The following PEDS1 variants were observed in gnomAD, a reference collection of about 807,000 sequenced individuals.
PEDS1 encodes plasmanylethanolamine desaturase 1.
In PEDS1, 14 loss-of-function variants were observed where a neutral mutation model predicts 35.2. That is an observed-to-expected ratio of 0.40 (90% CI 0.26 to 0.62). The LOEUF (loss-of-function observed/expected upper bound fraction) is 0.62, where lower values mean the gene tolerates loss of function less well. PEDS1 is among the 20% of genes least tolerant of loss of function. The pLI, the probability that PEDS1 is intolerant of heterozygous loss-of-function variation, is 0.44. For synonymous variants in PEDS1, 152 were observed against 152.0 expected (o/e 1.00, Z 0.00); for missense variants, 260 against 367.8 (o/e 0.71, Z 2.40).
At position 50,129,553 on chromosome 20, in the gene PEDS1, G is replaced by T. The variant is rs750887154; in HGVS notation, c.471C>A (p.His157Gln). ...LLNMAYKFRT[H>Q]SPEALEQLYP... is the part of the protein sequence containing the mutation. The stretch of plus-strand genomic sequence containing the variant: ...ACTAGCTGGGTGTCTCACCAGGGCT[G>T]TGGGTGCGGAACTTGTAGGCCATGT... The change falls in exon 4 of 6, where the codon CAC (histidine) becomes CAA (glutamine). Residue 157 changes from histidine (H) to glutamine (Q), a missense_variant. By Grantham distance (24) the His-to-Gln change is conservative. Coordinates refer to ENST00000371652, the MANE Select transcript of PEDS1 (RefSeq NM_199129.4). This position sits in a 1 kb window ranked among gnomAD's most constrained non-coding sequence, Gnocchi z 4.2. The T allele has an allele frequency of 6.2e-7, 1 of 1,614,160 alleles. No homozygotes were observed. Among genetic ancestry groups the T allele is most frequent in the Non-Finnish European group, 8.5e-7 (1 of 1,180,010 alleles).
At chr20:50,133,864 C>G (rs2081204976) in intron 2 of PEDS1, among the ~76,000 whole-genome samples, 1 of 152,232 alleles carries the variant, frequency 6.6e-6, no homozygotes, top group Non-Finnish European at 1.5e-5. Flanking sequence ...ACCACTGCCT[C>G]CCAGTCAAGT....
At chr20:50,143,125 G>C (rs1025748044) in intron 2 of PEDS1, among the ~76,000 whole-genome samples, 1 of 152,152 alleles carries the variant, frequency 6.6e-6, no homozygotes, top group African/African-American at 2.4e-5. Flanking sequence ...GGTGAAGGCA[G>C]GGAGACCAGG....
At position 50,128,318 on chromosome 20, in the gene PEDS1, C is replaced by T; in HGVS notation, c.479-131G>A. 1 of 1,152,988 alleles carries T rather than the reference C, an allele frequency of 8.7e-7. No homozygotes were observed. The highest frequency in any genetic ancestry group is 2.2e-5 in the Admixed American group (1 of 44,612). The allele number at this position is 1,152,988 out of a possible 1,614,324, so 71.4% of individuals were successfully genotyped here. A position where few individuals can be genotyped will look rare whatever the true frequency, so the allele number is the denominator to read the frequency against. On this transcript the variant is annotated intron_variant, in intron 4 of 5. Coordinates refer to ENST00000371652, the MANE Select transcript of PEDS1 (RefSeq NM_199129.4). This position sits in a 1 kb window ranked among gnomAD's most constrained non-coding sequence, Gnocchi z 5.2. The stretch of plus-strand genomic sequence containing the variant: ...AGCACCCAGGATTCTCTTCCACCCC[C>T]TGCAGGGCCGCAGGCAAGCTCAGGT...
Position 50,128,923 on chromosome 20 carries a change from G to A in PEDS1, c.478+623C>T, listed in dbSNP as rs2081142767. On this transcript the variant is annotated intron_variant, in intron 4 of 5. Coordinates refer to ENST00000371652, the MANE Select transcript of PEDS1 (RefSeq NM_199129.4). This position sits in a 1 kb window ranked among gnomAD's most constrained non-coding sequence, Gnocchi z 5.2. ...GAAGCAGGGGCTGGGTGCACCCCCAGGGAAGGGGATGGGCAGGGTGCCATA... is the reference window on the plus strand; with the variant it reads ...GAAGCAGGGGCTGGGTGCACCCCCAAGGAAGGGGATGGGCAGGGTGCCATA... Among the ~76,000 whole-genome samples, 1 of 152,234 alleles carries A rather than the reference G, an allele frequency of 6.6e-6. No individual in the cohort carries two copies. The highest frequency in any genetic ancestry group is 1.5e-5 in the Non-Finnish European group (1 of 68,032).
chr20:50,124,854 G>T lies in PEDS1; in HGVS notation c.*204C>A, dbSNP rs1460327204. 3.3e-6 allele frequency: 2 copies of T among 602,402 alleles called. No homozygotes were observed. The highest frequency in any genetic ancestry group is 5.5e-6 in the Non-Finnish European group (2 of 363,374). The allele number at this position is 602,402 out of a possible 1,614,324, so 37.3% of individuals were successfully genotyped here. A position where few individuals can be genotyped will look rare whatever the true frequency, so the allele number is the denominator to read the frequency against. ...TAGAGCAACTCAGGTGGCTGAGGAG[G>T]GGCCGAGGAAAAAAAAAAAAAAGAA... On this transcript the variant is annotated 3_prime_UTR_variant, in exon 6 of 6. Transcript: ENST00000371652.
At chr20:50,131,812 T>C (rs1217596550) in intron 2 of PEDS1, among the ~76,000 whole-genome samples, 1 of 152,068 alleles carries the variant, frequency 6.6e-6, no homozygotes, top group Non-Finnish European at 1.5e-5. Flanking sequence ...CACTTGAGGG[T>C]TCAGTAGATT....
At chr20:50,134,340 G>C (rs149818608) in intron 2 of PEDS1, among the ~76,000 whole-genome samples, 1 of 152,326 alleles carries the variant, frequency 6.6e-6, no homozygotes, top group Non-Finnish European at 1.5e-5. Context: ...GAGGTCAGGA[G>C]TTTAAGACTA....
intron 1 of PEDS1, among the ~76,000 whole-genome samples, chr20:50,147,438 C>T (rs1601233214): frequency 6.6e-6 from 1 of 152,182 alleles, no homozygotes; most frequent in Non-Finnish European, 1.5e-5. Context: ...TGGCTGGGCC[C>T]CTGCAGTCAT....
At chr20:50,151,655 C>G (rs6012851) in intron 1 of PEDS1, among the ~76,000 whole-genome samples, 2 of 152,146 alleles carry the variant, frequency 1.3e-5, no homozygotes, top group Admixed American at 6.6e-5. Context: ...GTCAAGAGAT[C>G]GAGACCACCC....
At chr20:50,140,098 ATC>A (rs1230538998) in intron 2 of PEDS1, among the ~76,000 whole-genome samples, 2 of 152,016 alleles carry the variant, frequency 1.3e-5, no homozygotes, top group African/African-American at 4.8e-5. Context: ...CATCCCTTCC[ATC>A]TCTCAAGAGA....
chr20:50,128,261 C>T lies in PEDS1; in HGVS notation c.479-74G>A. 2 of 1,567,000 alleles carry T rather than the reference C, an allele frequency of 1.3e-6. No individual in the cohort carries two copies. The highest frequency in any genetic ancestry group is 1.2e-5 in the South Asian group (1 of 86,662). The stretch of plus-strand genomic sequence containing the variant: ...GGAACCCACCCCAAATGGCCCTCAC[C>T]ACCTGCTCCTGGGCGGCTCCTGAGC... On this transcript the variant is annotated intron_variant, in intron 4 of 5. Transcript: ENST00000371652. The surrounding 1 kb of genome is among the most constrained non-coding windows in gnomAD (Gnocchi z 5.2).
In PEDS1 at chr20:50,153,177, G is replaced by A. The variant is rs572259303; in HGVS notation, c.121+340C>T. 7.9e-5 allele frequency among the ~76,000 whole-genome samples: 12 copies of A among 151,538 alleles called. No individual in the cohort carries two copies. The East Asian group carries it at 1.9e-3, about 25-fold the overall frequency. The stretch of plus-strand genomic sequence containing the variant: ...GGACCGGGTCCTGGGGGGATGAGGG[G>A]GTGGGGTTCTAAGTCTAGGAGCACT... On this transcript the variant is annotated intron_variant, in intron 1 of 5. Transcript: ENST00000371652.
chr20:50,144,843 TC>T (rs1266443200), intron 1 of PEDS1, among the ~76,000 whole-genome samples: 1 of 152,176 alleles, frequency 6.6e-6, no homozygotes, highest in Admixed American at 6.5e-5. Context: ...GACCGGCTTT[TC>T]CCTTATTTCC....
Position 50,136,811 on chromosome 20 carries a change from A to G in PEDS1, c.242-5864T>C, listed in dbSNP as rs1288623883. Among the ~76,000 whole-genome samples the G allele has an allele frequency of 4.8e-5, 7 of 145,792 alleles. No homozygotes were observed. In the East Asian group the frequency reaches 1.5e-3, roughly 30 times the overall value. ...CAGCACTTTGGGAGGCCACGGTGGGAGGATTGCTTGAGTCCTGGAGTTCAG... is the reference window on the plus strand; with the variant it reads ...CAGCACTTTGGGAGGCCACGGTGGGGGGATTGCTTGAGTCCTGGAGTTCAG... On this transcript the variant is annotated intron_variant, in intron 2 of 5. Coordinates refer to ENST00000371652, the MANE Select transcript of PEDS1 (RefSeq NM_199129.4).
In PEDS1 at chr20:50,153,538, G is replaced by A; in HGVS notation, c.100C>T (p.Leu34=). 7.0e-7 allele frequency: 1 copy of A among 1,427,944 alleles called. No individual in the cohort carries two copies. Among genetic ancestry groups the A allele is most frequent in the South Asian group, 1.4e-5 (1 of 72,710 alleles). 88.5% of individuals were successfully genotyped at this position (1,427,944 alleles called of 1,614,324 possible). Residue 34 remains leucine (L), a synonymous_variant, in exon 1 of 6, where the codon CTG becomes TTG. Transcript: ENST00000371652. The part of the protein sequence containing the change: ...WGAQHAGARE[L]AALYSPGKRL... ...TTACCTGGCGAGTAGAGCGCAGCCA[G>A]CTCGCGGGCCCCGGCGTGCTGCGCG...
intron 2 of PEDS1, among the ~76,000 whole-genome samples, chr20:50,132,060 C>G (rs186456414): frequency 6.6e-6 from 1 of 151,990 alleles, no homozygotes; most frequent in Admixed American, 6.6e-5. Flanking sequence ...AAAAATTAGC[C>G]GGGTGTGGTG....
chr20:50,151,086 G>A lies in PEDS1; in HGVS notation c.121+2431C>T, dbSNP rs2081398167. 3 of 407,806 alleles carry A rather than the reference G, an allele frequency of 7.4e-6. No homozygotes were observed. In the Admixed American group the frequency reaches 1.1e-4, roughly 14 times the overall value. 25.3% of individuals were successfully genotyped at this position (407,806 alleles called of 1,614,324 possible). Reference sequence around the variant, plus strand: ...AGGTGTTCAATATGCACTGAGCCTGGTCTCTCACTTTTTCAGGCCCAGAGA... The same window carrying A: ...AGGTGTTCAATATGCACTGAGCCTGATCTCTCACTTTTTCAGGCCCAGAGA... On this transcript the variant is annotated intron_variant, in intron 1 of 5. Transcript: ENST00000371652.
rs2081155880 is a variant in PEDS1 at position 50,129,852 on chromosome 20, C to G, written c.334-162G>C. Reference sequence around the variant, plus strand: ...TTCCCACCTGGCCCACTGCCAGACACAGACCCCATCCAGCCTTTGGGGAGA... The same window carrying G: ...TTCCCACCTGGCCCACTGCCAGACAGAGACCCCATCCAGCCTTTGGGGAGA... On this transcript the variant is annotated intron_variant, in intron 3 of 5. Coordinates refer to ENST00000371652, the MANE Select transcript of PEDS1 (RefSeq NM_199129.4). The surrounding 1 kb of genome is among the most constrained non-coding windows in gnomAD (Gnocchi z 4.2). Among the ~76,000 whole-genome samples the G allele has an allele frequency of 6.6e-6, 1 of 152,224 alleles. No homozygotes were observed. Among genetic ancestry groups the G allele is most frequent in the African/African-American group, 2.4e-5 (1 of 41,460 alleles).
At position 50,143,519 on chromosome 20, in the gene PEDS1, A is replaced by C; in HGVS notation, c.224T>G (p.Leu75Arg). 1.2e-6 allele frequency: 2 copies of C among 1,610,148 alleles called. No individual in the cohort carries two copies. The highest frequency in any genetic ancestry group is 1.7e-6 in the Non-Finnish European group (2 of 1,178,740). The change falls in exon 2 of 6, where the codon CTC (leucine) becomes CGC (arginine). Residue 75 changes from leucine to arginine, a missense_variant. By Grantham distance (102) the Leu-to-Arg change is moderately radical. Around this residue, in one of 4 missense-constraint regions of PEDS1, gnomAD observed 114 missense variants for 121.6 expected, o/e 0.94. Coordinates refer to ENST00000371652, the MANE Select transcript of PEDS1 (RefSeq NM_199129.4). Reference protein sequence around the residue: ...LLLARWEDTPLVILGVVAGAL... With the variant: ...LLLARWEDTPRVILGVVAGAL... ...GCACTCACCAACACCGAGTATGACGAGGGGTGTGTCCTCCCAGCGGGCCAG... is the reference window on the plus strand; with the variant it reads ...GCACTCACCAACACCGAGTATGACGCGGGGTGTGTCCTCCCAGCGGGCCAG...
Sources: gnomAD v4.1 joint callset for allele counts (sites outside exome capture counted in the v4.1 genomes callset) on GRCh38, gnomAD v4.1.1 for gene constraint, gnomAD v4.1.1 regional missense constraint, Gnocchi (gnomAD v3.1) non-coding constraint, MANE v1.5 for transcripts, NCBI Gene and HGNC (gene_info 2026-07-23, HGNC 2026-07-21) for gene names.